The following TRIM44 variants were observed in gnomAD, a reference collection of about 807,000 sequenced individuals.
The protein encoded by TRIM44 is tripartite motif containing 44.
A neutral mutation model predicts 37.4 loss-of-function variants in TRIM44; 13 were observed. The ratio of observed to expected loss-of-function variants is 0.35; its 90% CI spans 0.23 to 0.55. TRIM44 has a LOEUF of 0.55. Ranked by LOEUF, TRIM44 falls within the 20% of genes least tolerant of loss-of-function variation. The probability of loss-of-function intolerance (pLI) is 0.89; values close to 1 mark genes in which losing one functional copy is unlikely to be tolerated. For missense variants in TRIM44, 426 were observed against 437.2 expected, an observed-to-expected ratio of 0.97 and a Z score of 0.23; for synonymous variants, 175 against 157.2, an observed-to-expected ratio of 1.11 and a Z score of -0.85.
At chr11:35,703,929 A>G (rs1851835630) in intron 2 of TRIM44, among the ~76,000 whole-genome samples, 1 of 152,238 alleles carries the variant, frequency 6.6e-6, no homozygotes, top group South Asian at 2.1e-4. Flanking sequence ...TGACGAGTTG[A>G]GAGAAGAAGG....
At chr11:35,751,311 T>C (rs1043038951) in intron 4 of TRIM44, among the ~76,000 whole-genome samples, 5 of 152,274 alleles carry the variant, frequency 3.3e-5, no homozygotes, top group Admixed American at 2.0e-4. Context: ...GAAAACATTT[T>C]ACAAACCCTT....
At chr11:35,743,980 A>G (rs901198228) in intron 4 of TRIM44, among the ~76,000 whole-genome samples, 5 of 152,322 alleles carry the variant, frequency 3.3e-5, no homozygotes, top group Admixed American at 3.3e-4. Flanking sequence ...CTTGATGTCA[A>G]CATTATGAAT....
intron 4 of TRIM44, among the ~76,000 whole-genome samples, chr11:35,785,562 C>T (rs1355471739): frequency 1.3e-5 from 2 of 152,152 alleles, no homozygotes; most frequent in Non-Finnish European, 1.5e-5. Flanking sequence ...CACCCCTATT[C>T]GGGTAAGAGT....
intron 1 of TRIM44, among the ~76,000 whole-genome samples, chr11:35,669,486 T>G (rs1288125178): frequency 6.7e-6 from 1 of 148,262 alleles, no homozygotes; most frequent in African/African-American, 2.4e-5. Flanking sequence ...ATTTATTTAT[T>G]TATTTAGAGA....
intron 2 of TRIM44, among the ~76,000 whole-genome samples, chr11:35,695,512 G>A (rs1851686176): frequency 6.6e-6 from 1 of 152,030 alleles, no homozygotes; most frequent in Non-Finnish European, 1.5e-5. Context: ...GAAGTTCCAG[G>A]AATTCTTACC....
chr11:35,686,541 T>A (rs1466047789), intron 2 of TRIM44, among the ~76,000 whole-genome samples: 3 of 151,946 alleles, frequency 2.0e-5, no homozygotes, highest in African/African-American at 7.2e-5. Flanking sequence ...TTTGGTTTTT[T>A]GTTTGTTTGT....
At chr11:35,703,133 G>T (rs1851818728) in intron 2 of TRIM44, among the ~76,000 whole-genome samples, 1 of 152,218 alleles carries the variant, frequency 6.6e-6, no homozygotes. Flanking sequence ...AGGGTCCTAT[G>T]CCCACAGAGT....
At chr11:35,774,289 A>G (rs760848528) in intron 4 of TRIM44, among the ~76,000 whole-genome samples, 1 of 152,122 alleles carries the variant, frequency 6.6e-6, no homozygotes, top group Admixed American at 6.5e-5. Context: ...AGTGTCTGTC[A>G]TATCCTTCAC....
chr11:35,725,449 T>A (rs1159973533), intron 2 of TRIM44, among the ~76,000 whole-genome samples: 1 of 152,108 alleles, frequency 6.6e-6, no homozygotes, highest in Admixed American at 6.5e-5. Flanking sequence ...TTCTCCTGCC[T>A]CAGCCTCCCA....
intron 2 of TRIM44, among the ~76,000 whole-genome samples, chr11:35,704,968 A>T (rs1851856486): frequency 6.7e-6 from 1 of 149,258 alleles, no homozygotes. Context: ...CAGACTGGCA[A>T]ATTGGATAAA....
chr11:35,795,652 G>C (rs1173501730), intron 4 of TRIM44, among the ~76,000 whole-genome samples: 2 of 151,982 alleles, frequency 1.3e-5, no homozygotes, highest in African/African-American at 4.8e-5. Context: ...ATGACAGCAT[G>C]GTGCCTAGAG....
At chr11:35,785,795 T>A (rs1853124649) in intron 4 of TRIM44, among the ~76,000 whole-genome samples, 1 of 152,204 alleles carries the variant, frequency 6.6e-6, no homozygotes, top group Non-Finnish European at 1.5e-5. Context: ...TACACATGTC[T>A]TTTGCCTCCT....
intron 2 of TRIM44, among the ~76,000 whole-genome samples, chr11:35,691,485 A>G (rs181010619): frequency 6.6e-6 from 1 of 152,332 alleles, no homozygotes; most frequent in Non-Finnish European, 1.5e-5. Flanking sequence ...TATGTCAAAA[A>G]TGCATTTAGT....
At chr11:35,759,881 C>T (rs1852698653) in intron 4 of TRIM44, among the ~76,000 whole-genome samples, 2 of 152,154 alleles carry the variant, frequency 1.3e-5, no homozygotes, top group Admixed American at 1.3e-4. Flanking sequence ...GAGTACCCAG[C>T]CGTGTGAGGT....
At chr11:35,681,363 T>C (rs915542082) in intron 1 of TRIM44, among the ~76,000 whole-genome samples, 6 of 152,192 alleles carry the variant, frequency 3.9e-5, no homozygotes, top group Non-Finnish European at 8.8e-5. Flanking sequence ...TTGGTTTTAT[T>C]ATGACTCATC....
chr11:35,679,149 A>T (rs1424411183), intron 1 of TRIM44, among the ~76,000 whole-genome samples: 1 of 152,134 alleles, frequency 6.6e-6, no homozygotes. Flanking sequence ...TAGGATATTT[A>T]TGTGGCTTAT....
chr11:35,737,330 T>G (rs1852338779), intron 4 of TRIM44, among the ~76,000 whole-genome samples: 1 of 152,142 alleles, frequency 6.6e-6, no homozygotes, highest in Admixed American at 6.5e-5. Flanking sequence ...TGAACAGATT[T>G]GCATTTTAGA....
intron 2 of TRIM44, among the ~76,000 whole-genome samples, chr11:35,687,997 A>G (rs889369254): frequency 6.6e-6 from 1 of 152,218 alleles, no homozygotes; most frequent in Non-Finnish European, 1.5e-5. Context: ...GAATGGGGGT[A>G]AAAAACAGGC....
At chr11:35,689,159 G>T (rs545971697) in intron 2 of TRIM44, among the ~76,000 whole-genome samples, 2 of 152,314 alleles carry the variant, frequency 1.3e-5, no homozygotes, top group Admixed American at 1.3e-4. Context: ...AGGGATCCTG[G>T]TCGGGATTTA....
Sources: gnomAD v4.1 joint callset for allele counts (sites outside exome capture counted in the v4.1 genomes callset) on GRCh38, gnomAD v4.1.1 for gene constraint, MANE v1.5 for transcripts, NCBI Gene and HGNC (gene_info 2026-07-23, HGNC 2026-07-21) for gene names.